Variants in RSBN1L observed in about 807,000 individuals in gnomAD.
The protein encoded by RSBN1L is round spermatid basic protein 1 like, also known as lysine-specific demethylase RSBN1L.
Under a neutral mutation model 67.7 loss-of-function variants are expected in RSBN1L, and 30 were observed. The ratio of observed to expected loss-of-function variants is 0.44; its 90% CI spans 0.33 to 0.60. RSBN1L has a LOEUF of 0.60. RSBN1L is among the 20% of genes least tolerant of loss of function. The probability of loss-of-function intolerance (pLI) is 0.02; values close to 1 mark genes in which losing one functional copy is unlikely to be tolerated. For synonymous variants in RSBN1L, 433 were observed against 387.0 expected, an observed-to-expected ratio of 1.12 and a Z score of -1.39; for missense variants, 992 against 1,031.7, an observed-to-expected ratio of 0.96 and a Z score of 0.53.
chr7:77,739,635 C>T (rs1791381353), intron 2 of RSBN1L, among the ~76,000 whole-genome samples: 1 of 140,076 alleles, frequency 7.1e-6, no homozygotes, highest in Non-Finnish European at 1.5e-5. Context: ...ATTGCTTGAA[C>T]CCAGGAGGCA....
At chr7:77,740,774 TGC>T (rs903017524) in intron 2 of RSBN1L, among the ~76,000 whole-genome samples, 6 of 152,148 alleles carry the variant, frequency 3.9e-5, no homozygotes, top group African/African-American at 9.6e-5. Context: ...TGTTTCTGTG[TGC>T]GCTTCTTTCT....
chr7:77,747,647 A>G (rs1347141232), intron 2 of RSBN1L, among the ~76,000 whole-genome samples: 1 of 152,210 alleles, frequency 6.6e-6, no homozygotes, highest in Non-Finnish European at 1.5e-5. Context: ...GGCTGTATGG[A>G]AACACCTGGA....
intron 5 of RSBN1L, among the ~76,000 whole-genome samples, chr7:77,770,502 G>A (rs746908736): frequency 4.6e-5 from 7 of 152,140 alleles, no homozygotes; most frequent in Non-Finnish European, 8.8e-5. Context: ...GCAACATAGT[G>A]AGATGCCGCC....
chr7:77,700,325 C>T (rs985327921), intron 1 of RSBN1L, among the ~76,000 whole-genome samples: 1 of 152,122 alleles, frequency 6.6e-6, no homozygotes, highest in African/African-American at 2.4e-5. Flanking sequence ...CTCCAGTAAC[C>T]AGCAAAATTT....
intron 4 of RSBN1L, 145 bp from the exon 5 acceptor site, chr7:77,768,516 A>C (rs371396800): frequency 1.1e-4 from 76 of 683,464 alleles, no homozygotes; most frequent in East Asian, 8.0e-4. Flanking sequence ...ATATATAGGG[A>C]TATATTCAAT....
chr7:77,741,349 T>G (rs968247322), intron 2 of RSBN1L, among the ~76,000 whole-genome samples: 7 of 152,046 alleles, frequency 4.6e-5, no homozygotes, highest in Non-Finnish European at 7.4e-5. Flanking sequence ...AGTTCTATTC[T>G]TTCTGTTATA....
intron 3 of RSBN1L, among the ~76,000 whole-genome samples, chr7:77,757,621 C>G (rs1044474156): frequency 2.0e-5 from 3 of 152,198 alleles, no homozygotes; most frequent in Non-Finnish European, 4.4e-5. Flanking sequence ...CTGGACAGTT[C>G]TTGTGGTCTC....
intron 2 of RSBN1L, among the ~76,000 whole-genome samples, chr7:77,748,206 A>T (rs1455332186): frequency 6.6e-6 from 1 of 152,192 alleles, no homozygotes; most frequent in African/African-American, 2.4e-5. Flanking sequence ...TAGAAAGGTT[A>T]ATATGGCTGT....
rs199794430 is a variant in RSBN1L at position 77,696,480 on chromosome 7, C to T, written c.11C>T (p.Pro4Leu). ...CAACAGGAGCGCAAAATGGCGGAACCGCCGAGCCCCGTGCACTGTGTCGCT... is the reference window on the plus strand; with the variant it reads ...CAACAGGAGCGCAAAATGGCGGAACTGCCGAGCCCCGTGCACTGTGTCGCT... Reference protein sequence around the residue: MAEPPSPVHCVAAA... With the variant: MAELPSPVHCVAAA... The change falls in exon 1 of 8, where the codon CCG becomes CTG. Residue 4 changes from proline to leucine, a missense_variant. Coordinates refer to ENST00000334955, the MANE Select transcript of RSBN1L (RefSeq NM_198467.3). The T allele has an allele frequency of 1.4e-4, 228 of 1,606,608 alleles. 1 individual carries two copies. The African/African-American group carries it at 2.7e-3, about 19-fold the overall frequency.
At chr7:77,738,232 A>G (rs1043526619) in intron 2 of RSBN1L, among the ~76,000 whole-genome samples, 2 of 152,170 alleles carry the variant, frequency 1.3e-5, no homozygotes, top group Non-Finnish European at 2.9e-5. Flanking sequence ...GATTCCTAAC[A>G]TAATGTGAAT....
intron 1 of RSBN1L, 46 bp downstream of exon 1, chr7:77,697,101 C>T: frequency 2.3e-6 from 3 of 1,321,876 alleles, no homozygotes; most frequent in South Asian, 2.1e-5. Context: ...CGTGGGTCCC[C>T]GCCGCCCCCT....
At chr7:77,733,983 C>T (rs910282371) in intron 1 of RSBN1L, among the ~76,000 whole-genome samples, 2 of 152,108 alleles carry the variant, frequency 1.3e-5, no homozygotes, top group Non-Finnish European at 2.9e-5. Flanking sequence ...AAAAATTAGC[C>T]GAGTGCGATG....
rs1292097469 is a variant in RSBN1L, at chr7:77,768,653, ATC to A, written c.1483-5_1483-4del. The A allele has an allele frequency of 3.1e-6, 5 of 1,608,188 alleles. No individual in the cohort carries two copies. Among genetic ancestry groups the A allele is most frequent in the Non-Finnish European group, 3.4e-6 (4 of 1,176,640 alleles). Reference sequence around the variant, plus strand: ...ATAATTGCAATCTGCATAATTATTTATCTCCAGTGTACACTGCCATGGGGGAC... The same window carrying A: ...ATAATTGCAATCTGCATAATTATTTATCCAGTGTACACTGCCATGGGGGAC... On this transcript the variant is annotated splice_region_variant and splice_polypyrimidine_tract_variant and intron_variant, in intron 4 of 7. Transcript: ENST00000334955.
At chr7:77,724,717 C>T (rs1463715308) in intron 1 of RSBN1L, among the ~76,000 whole-genome samples, 2 of 151,878 alleles carry the variant, frequency 1.3e-5, no homozygotes, top group Admixed American at 6.6e-5. Flanking sequence ...TGGGCCACTG[C>T]GCCCGGCCAT....
At chr7:77,711,927 A>G (rs950238077) in intron 1 of RSBN1L, among the ~76,000 whole-genome samples, 3 of 152,192 alleles carry the variant, frequency 2.0e-5, no homozygotes, top group South Asian at 2.1e-4. Context: ...TTCTTGCCCT[A>G]CCACCCATTT....
At chr7:77,723,591 C>G (rs1046884887) in intron 1 of RSBN1L, among the ~76,000 whole-genome samples, 1 of 152,076 alleles carries the variant, frequency 6.6e-6, no homozygotes, top group Non-Finnish European at 1.5e-5. Context: ...ACCTCACCCA[C>G]CCAAGTAGCT....
chr7:77,711,894 A>G (rs1790979557), intron 1 of RSBN1L, among the ~76,000 whole-genome samples: 1 of 152,182 alleles, frequency 6.6e-6, no homozygotes, highest in African/African-American at 2.4e-5. Flanking sequence ...TAGGACTGAG[A>G]ATCAGGAGGC....
Position 77,721,939 on chromosome 7 carries a change from T to G in RSBN1L, c.587-14471T>G, listed in dbSNP as rs574228252. ...AACTATAGGTACGGAAACCCTTTCT[T>G]TTAAAAGCTAGTGAGAATACACTAG... is the stretch of plus-strand genomic sequence containing the variant. On this transcript the variant is annotated intron_variant, in intron 1 of 7. Transcript: ENST00000334955. Among the ~76,000 whole-genome samples, 3 of 152,268 alleles carry G rather than the reference T, an allele frequency of 2.0e-5. No individual in the cohort carries two copies. In the East Asian group the frequency reaches 5.8e-4, roughly 29 times the overall value.
At chr7:77,734,095 C>T (rs1791302710) in intron 1 of RSBN1L, among the ~76,000 whole-genome samples, 1 of 152,104 alleles carries the variant, frequency 6.6e-6, no homozygotes, top group Non-Finnish European at 1.5e-5. Context: ...CACTGCACTC[C>T]AGCCTGGGCC....
Sources: gnomAD v4.1 joint callset for allele counts (sites outside exome capture counted in the v4.1 genomes callset) on GRCh38, gnomAD v4.1.1 for gene constraint, MANE v1.5 for transcripts, NCBI Gene and HGNC (gene_info 2026-07-23, HGNC 2026-07-21) for gene names.